ANO10: variants seen among roughly 807,000 people sequenced by gnomAD.
ANO10 encodes anoctamin 10, also known as anoctamin-10.
In ANO10, 77 loss-of-function variants were observed where a neutral mutation model predicts 74.7. That is an observed-to-expected ratio of 1.03 (90% CI 0.86 to 1.25). ANO10 has a LOEUF of 1.25. Ranked by LOEUF, ANO10 falls within the 50% of genes most tolerant of loss-of-function variation. The pLI is 0.00. For synonymous variants in ANO10, 279 were observed against 284.9 expected (o/e 0.98, Z 0.21); for missense variants, 721 against 778.1 (o/e 0.93, Z 0.87).
chr3:43,568,482 T>G (rs1211985845), intron 7 of ANO10, among the ~76,000 whole-genome samples: 3 of 151,156 alleles, frequency 2.0e-5, no homozygotes, highest in Non-Finnish European at 4.4e-5. Flanking sequence ...TATAACAAAC[T>G]ATCTCTCAGA....
At chr3:43,483,567 T>C (rs1420171030) in intron 11 of ANO10, among the ~76,000 whole-genome samples, 1 of 152,180 alleles carries the variant, frequency 6.6e-6, no homozygotes, top group East Asian at 1.9e-4. Context: ...ACTACCCACA[T>C]GATTGATAAA....
chr3:43,631,436 G>C (rs1263593985), intron 1 of ANO10, among the ~76,000 whole-genome samples: 2 of 152,182 alleles, frequency 1.3e-5, no homozygotes, highest in East Asian at 1.9e-4. Flanking sequence ...GTTTCTAAGA[G>C]AAAGGAGGAA....
rs537197752 is a variant in ANO10 at position 43,590,987 on chromosome 3, A to T, written c.472+7545T>A. On this transcript the variant is annotated intron_variant, in intron 4 of 12. Transcript: ENST00000292246. The stretch of plus-strand genomic sequence containing the variant: ...TAGGCTAAAAGCAGGAGGTAAAGAA[A>T]TAGTCAAATCATCTGTCGCCTGAGA... Among the ~76,000 whole-genome samples the T allele has an allele frequency of 5.9e-5, 9 of 152,322 alleles. No homozygotes were observed. In the South Asian group the frequency reaches 1.7e-3, roughly 28 times the overall value.
At chr3:43,570,753 C>T (rs1298938728) in intron 7 of ANO10, among the ~76,000 whole-genome samples, 1 of 144,018 alleles carries the variant, frequency 6.9e-6, no homozygotes, top group Non-Finnish European at 1.5e-5. Flanking sequence ...CTAGGCATTA[C>T]CATTCAGGAC....
At chr3:43,635,344 A>G (rs1430207922) in intron 1 of ANO10, among the ~76,000 whole-genome samples, 1 of 152,210 alleles carries the variant, frequency 6.6e-6, no homozygotes, top group Non-Finnish European at 1.5e-5. Flanking sequence ...CTGGGTCACC[A>G]TGAACAACAC....
chr3:43,419,409 A>G (rs771983615), intron 12 of ANO10, among the ~76,000 whole-genome samples: 5 of 152,250 alleles, frequency 3.3e-5, no homozygotes, highest in Non-Finnish European at 7.3e-5. Flanking sequence ...CAGAATTCCT[A>G]AAAAGATCAT....
intron 7 of ANO10, among the ~76,000 whole-genome samples, chr3:43,573,226 C>T (rs565680148): frequency 6.6e-6 from 1 of 152,286 alleles, no homozygotes; most frequent in South Asian, 2.1e-4. Flanking sequence ...TTAGCACCAA[C>T]ATTTTAAGTA....
chr3:43,585,502 T>TA (rs2081438222), intron 4 of ANO10, among the ~76,000 whole-genome samples: 1 of 152,232 alleles, frequency 6.6e-6, no homozygotes, highest in African/African-American at 2.4e-5. Flanking sequence ...TCATTCATCT[T>TA]AAAATTTCTC....
chr3:43,657,740 C>T (rs966905130), intron 1 of ANO10, among the ~76,000 whole-genome samples: 1 of 152,196 alleles, frequency 6.6e-6, no homozygotes, highest in Non-Finnish European at 1.5e-5. Context: ...CATTCTGTCA[C>T]CCCTGATATC....
At chr3:43,543,124 C>G (rs2079027675) in intron 11 of ANO10, among the ~76,000 whole-genome samples, 1 of 152,170 alleles carries the variant, frequency 6.6e-6, no homozygotes, top group Non-Finnish European at 1.5e-5. Context: ...ATCTCTCTCT[C>G]TTCTCTCCCT....
chr3:43,410,670 C>A (rs1246521960), intron 12 of ANO10, among the ~76,000 whole-genome samples: 3 of 152,064 alleles, frequency 2.0e-5, no homozygotes, highest in Non-Finnish European at 2.9e-5. Flanking sequence ...CATGAGAACA[C>A]ACGGATATAC....
Position 43,488,041 on chromosome 3 carries a change from A to C in ANO10, c.1798-55314T>G, listed in dbSNP as rs865906951. 7.2e-3 allele frequency among the ~76,000 whole-genome samples: 1,091 copies of C among 152,196 alleles called. 12 individuals are homozygous for C. The highest frequency in any genetic ancestry group is 0.023 in the African/African-American group (968 of 41,494). ...GTATCTACAACTATCTGATCTTTGA[A>C]AAACCTGACAAAAACAAGCAATGGG... On this transcript the variant is annotated intron_variant, in intron 11 of 12. Coordinates refer to ENST00000292246, the MANE Select transcript of ANO10 (RefSeq NM_018075.5).
intron 3 of ANO10, among the ~76,000 whole-genome samples, chr3:43,599,123 GAGAGA>G (rs1411746180): frequency 1.3e-5 from 2 of 152,172 alleles, no homozygotes; most frequent in Non-Finnish European, 2.9e-5. Context: ...CTACTAATGA[GAGAGA>G]AGAAAGTCTT....
chr3:43,398,961 T>C (rs1042230487), intron 12 of ANO10, among the ~76,000 whole-genome samples: 1 of 152,182 alleles, frequency 6.6e-6, no homozygotes, highest in African/African-American at 2.4e-5. Context: ...CCCAAGTAGC[T>C]GAACTACAGG....
chr3:43,442,660 G>A lies in ANO10; in HGVS notation c.1798-9933C>T, dbSNP rs149219599. Among the ~76,000 whole-genome samples, 19 of 152,270 alleles carry A rather than the reference G, an allele frequency of 1.2e-4. 1 individual carries two copies. Among genetic ancestry groups the A allele is most frequent in the African/African-American group, 4.6e-4 (19 of 41,562 alleles). Reference sequence around the variant, plus strand: ...ATTCAATGCAGTTTCTAACACAAAAGATTCTTAATCTCCAACAGGGTCAGC... The same window carrying A: ...ATTCAATGCAGTTTCTAACACAAAAAATTCTTAATCTCCAACAGGGTCAGC... On this transcript the variant is annotated intron_variant, in intron 11 of 12. Coordinates refer to ENST00000292246, the MANE Select transcript of ANO10 (RefSeq NM_018075.5).
intron 12 of ANO10, among the ~76,000 whole-genome samples, chr3:43,421,627 C>A (rs904910351): frequency 3.9e-5 from 6 of 152,286 alleles, no homozygotes; most frequent in Admixed American, 3.9e-4. Flanking sequence ...GAGTTCGAAA[C>A]CAGCCTGGGC....
intron 1 of ANO10, among the ~76,000 whole-genome samples, chr3:43,656,377 G>A (rs566589034): frequency 7.2e-5 from 11 of 152,248 alleles, no homozygotes; most frequent in South Asian, 2.1e-4. Context: ...AGTGGATCCC[G>A]CACAGGGGCT....
intron 1 of ANO10, among the ~76,000 whole-genome samples, chr3:43,687,661 T>C (rs1343576705): frequency 6.6e-6 from 1 of 152,154 alleles, no homozygotes; most frequent in African/African-American, 2.4e-5. Context: ...GATCTCCAAA[T>C]GTAAGCACTG....
intron 11 of ANO10, among the ~76,000 whole-genome samples, chr3:43,523,716 T>C (rs762801483): frequency 2.0e-5 from 3 of 152,172 alleles, no homozygotes; most frequent in Non-Finnish European, 4.4e-5. Context: ...CTGGGAGACA[T>C]TCAAGTGAAA....
Sources: gnomAD v4.1 joint callset for allele counts (sites outside exome capture counted in the v4.1 genomes callset) on GRCh38, gnomAD v4.1.1 for gene constraint, MANE v1.5 for transcripts, NCBI Gene and HGNC (gene_info 2026-07-23, HGNC 2026-07-21) for gene names.